The following CRTAC1 variants were observed in gnomAD, a reference collection of about 807,000 sequenced individuals.
CRTAC1 encodes the protein cartilage acidic protein 1.
CRTAC1 carries 37 observed loss-of-function variants against 67.8 expected under a neutral mutation model. The observed-to-expected ratio is 0.55, with a 90% confidence interval of 0.42 to 0.72. The LOEUF is 0.72. Ranked by LOEUF, CRTAC1 falls within the 30% of genes least tolerant of loss-of-function variation. CRTAC1 has a pLI of 0.00. For synonymous variants in CRTAC1, 348 were observed against 371.0 expected, an observed-to-expected ratio of 0.94 and a Z score of 0.71; for missense variants, 780 against 931.6, an observed-to-expected ratio of 0.84 and a Z score of 2.12.
intron 3 of CRTAC1, among the ~76,000 whole-genome samples, chr10:97,927,582 C>G (rs931186662): frequency 6.6e-6 from 1 of 152,210 alleles, no homozygotes; most frequent in Non-Finnish European, 1.5e-5. Context: ...CTGTTGGCCT[C>G]TCCCCCTCTT....
intron 2 of CRTAC1, among the ~76,000 whole-genome samples, chr10:97,959,565 G>A (rs908433508): frequency 7.9e-5 from 12 of 152,232 alleles, no homozygotes; most frequent in African/African-American, 2.7e-4. Context: ...AGGCTGTTAA[G>A]GGGAGGGTAT....
chr10:97,938,911 C>G (rs1220876764), intron 2 of CRTAC1, among the ~76,000 whole-genome samples: 1 of 152,206 alleles, frequency 6.6e-6, no homozygotes, highest in African/African-American at 2.4e-5. Context: ...TAGAACATCT[C>G]TATGTTTTAT....
chr10:97,958,133 C>G (rs1225520147), intron 2 of CRTAC1, among the ~76,000 whole-genome samples: 2 of 152,174 alleles, frequency 1.3e-5, no homozygotes, highest in African/African-American at 4.8e-5. Flanking sequence ...GGTACAACAT[C>G]ATTTCCCAAC....
intron 2 of CRTAC1, among the ~76,000 whole-genome samples, chr10:97,972,519 G>T (rs1160351734): frequency 6.6e-6 from 1 of 152,158 alleles, no homozygotes; most frequent in Non-Finnish European, 1.5e-5. Flanking sequence ...AGTTAAACCT[G>T]TACTCGAAAT....
At position 97,936,302 on chromosome 10, in the gene CRTAC1, C is replaced by T. The variant is rs143395515; in HGVS notation, c.289G>A (p.Val97Ile). The T allele has an allele frequency of 1.2e-3, 2,003 of 1,613,758 alleles. 3 individuals carry two copies. Among genetic ancestry groups the T allele is most frequent in the Non-Finnish European group, 1.6e-3 (1,878 of 1,179,682 alleles). Residue 97 changes from valine (V) to isoleucine (I), a missense_variant, in exon 3 of 15, where the codon GTC becomes ATC. Coordinates refer to ENST00000370597, the MANE Select transcript of CRTAC1 (RefSeq NM_018058.7). Reference sequence around the variant, plus strand: ...TAGTAGGGTGAGCTGCGCTCATCGACCGCGATGTTCACCAGCCGCTTCTGG... The same window carrying T: ...TAGTAGGGTGAGCTGCGCTCATCGATCGCGATGTTCACCAGCCGCTTCTGG... ...RAQKRLVNIA[V>I]DERSSPYYAL... is the part of the protein sequence containing the mutation.
At chr10:98,011,373 C>G (rs767382746) in intron 1 of CRTAC1, 36 bp from the exon 2 acceptor site, 1 of 1,611,200 alleles carries the variant, frequency 6.2e-7, no homozygotes, top group Admixed American at 1.7e-5. Context: ...CCGAAAGAAC[C>G]TGTAACCAAA....
At chr10:97,966,539 G>C (rs185893916) in intron 2 of CRTAC1, among the ~76,000 whole-genome samples, 2 of 152,288 alleles carry the variant, frequency 1.3e-5, no homozygotes, top group Admixed American at 1.3e-4. Flanking sequence ...TCCTACATTA[G>C]TATGTTACAT....
At chr10:97,888,471 A>T (rs1413877539) in intron 11 of CRTAC1, among the ~76,000 whole-genome samples, 1 of 151,644 alleles carries the variant, frequency 6.6e-6, no homozygotes, top group East Asian at 1.9e-4. Context: ...AATGTGTATC[A>T]GGTGGGAATG....
intron 1 of CRTAC1, among the ~76,000 whole-genome samples, chr10:98,012,110 G>T (rs960132085): frequency 2.0e-5 from 3 of 152,152 alleles, no homozygotes; most frequent in African/African-American, 7.2e-5. Context: ...AGGATCTGGC[G>T]GATAGCACAT....
intron 5 of CRTAC1, among the ~76,000 whole-genome samples, chr10:97,909,960 A>C (rs186193209): frequency 4.6e-5 from 7 of 152,276 alleles, no homozygotes; most frequent in African/African-American, 7.2e-5. Flanking sequence ...GGCACAGAGA[A>C]GCAAATACCA....
intron 1 of CRTAC1, among the ~76,000 whole-genome samples, chr10:98,023,961 T>C (rs551212000): frequency 1.3e-5 from 2 of 152,320 alleles, no homozygotes; most frequent in South Asian, 4.1e-4. Context: ...CCTCTGCCCT[T>C]CTGGGAGGGG....
intron 14 of CRTAC1, chr10:97,878,579 G>A: frequency 7.7e-7 from 1 of 1,295,946 alleles, no homozygotes; most frequent in Non-Finnish European, 1.0e-6. Context: ...TCACTACTGA[G>A]GCTGGTCGTG....
At chr10:97,929,810 A>G (rs1176973216) in intron 3 of CRTAC1, among the ~76,000 whole-genome samples, 1 of 152,264 alleles carries the variant, frequency 6.6e-6, no homozygotes, top group Non-Finnish European at 1.5e-5. Context: ...ATCACAGCAC[A>G]TGACCACAGC....
intron 2 of CRTAC1, among the ~76,000 whole-genome samples, chr10:97,949,252 G>A (rs544656016): frequency 6.6e-6 from 1 of 152,358 alleles, no homozygotes; most frequent in South Asian, 2.1e-4. Flanking sequence ...CCTCAGAGGG[G>A]GATGTCAGGC....
intron 2 of CRTAC1, among the ~76,000 whole-genome samples, chr10:97,997,764 G>A (rs565629250): frequency 2.0e-4 from 30 of 152,174 alleles, no homozygotes; most frequent in Non-Finnish European, 3.4e-4. Flanking sequence ...AACGGTTTTT[G>A]AAATGAAAAC....
chr10:97,910,194 A>G (rs1390604347), intron 5 of CRTAC1, among the ~76,000 whole-genome samples: 6 of 152,252 alleles, frequency 3.9e-5, no homozygotes, highest in African/African-American at 1.4e-4. Flanking sequence ...AAGAGAGTAG[A>G]TTTTAAGTGT....
chr10:97,960,686 T>C (rs1176708781), intron 2 of CRTAC1, among the ~76,000 whole-genome samples: 1 of 152,222 alleles, frequency 6.6e-6, no homozygotes, highest in African/African-American at 2.4e-5. Context: ...AGCTCTAGAA[T>C]CCACCTTTGG....
intron 14 of CRTAC1, among the ~76,000 whole-genome samples, chr10:97,872,787 G>C (rs538267354): frequency 6.6e-6 from 1 of 152,220 alleles, no homozygotes; most frequent in Non-Finnish European, 1.5e-5. Flanking sequence ...GGGCTCCCCA[G>C]TGCAGATCTA....
In CRTAC1 at chr10:97,865,536, T is replaced by C. The variant is rs1194577135; in HGVS notation, c.*12A>G. 4 of 1,599,954 alleles carry C rather than the reference T, an allele frequency of 2.5e-6. No homozygotes were observed. The highest frequency in any genetic ancestry group is 3.4e-6 in the Non-Finnish European group (4 of 1,170,264). ...GCTGGACTCCATCCGCTGGTTCATG[T>C]CCCACCCCTGCTCAGCAGCTGGGCT... On this transcript the variant is annotated 3_prime_UTR_variant, in exon 15 of 15. Transcript: ENST00000370597.
Sources: allele counts gnomAD v4.1 joint callset (sites outside exome capture counted in the v4.1 genomes callset), GRCh38; gene constraint gnomAD v4.1.1; transcripts MANE v1.5; gene names NCBI Gene and HGNC (gene_info 2026-07-23, HGNC 2026-07-21).